TENM2: variants seen among roughly 807,000 people sequenced by gnomAD.
The protein encoded by TENM2 is teneurin transmembrane protein 2.
A neutral mutation model predicts 245.2 loss-of-function variants in TENM2; 52 were observed. The ratio of observed to expected loss-of-function variants is 0.21; its 90% confidence interval spans 0.17 to 0.27. The LOEUF is 0.27. TENM2 is among the 10% of genes least tolerant of loss of function. The pLI is 1.00. For missense variants in TENM2, 3,046 were observed against 3,666.8 expected (o/e 0.83, Z 4.37); for synonymous variants, 1,363 against 1,438.9 (o/e 0.95, Z 1.19).
intron 5 of TENM2, among the ~76,000 whole-genome samples, chr5:168,009,745 T>C (rs1489671742): frequency 6.6e-6 from 1 of 152,230 alleles, no homozygotes; most frequent in Non-Finnish European, 1.5e-5. Flanking sequence ...ATGTGGTAGA[T>C]AATTATGTCT....
chr5:167,787,206 C>G (rs1483370628), intron 2 of TENM2, among the ~76,000 whole-genome samples: 1 of 146,244 alleles, frequency 6.8e-6, no homozygotes, highest in Non-Finnish European at 1.5e-5. Context: ...AGGCCAAGGC[C>G]TGATCTCCAT....
At chr5:167,388,749 T>C (rs1363046941) in intron 2 of TENM2, among the ~76,000 whole-genome samples, 1 of 152,146 alleles carries the variant, frequency 6.6e-6, no homozygotes, top group Non-Finnish European at 1.5e-5. Context: ...CGCGATTTCA[T>C]TTTTGACCCA....
At chr5:167,298,527 CCA>C (rs1332471734) in intron 1 of TENM2, among the ~76,000 whole-genome samples, 4 of 152,156 alleles carry the variant, frequency 2.6e-5, no homozygotes, top group Non-Finnish European at 4.4e-5. Flanking sequence ...GGCGTAAACC[CCA>C]GGGGGCGGAG....
chr5:167,225,659 T>A, the TENM2 span, among the ~76,000 whole-genome samples: 1 of 152,104 alleles, frequency 6.6e-6, no homozygotes, highest in Non-Finnish European at 1.5e-5. Flanking sequence ...GGGTTTGGTA[T>A]CAGGGTAATG....
chr5:167,857,026 C>T (rs146593524), intron 2 of TENM2, among the ~76,000 whole-genome samples: 6 of 151,832 alleles, frequency 4.0e-5, no homozygotes, highest in East Asian at 1.9e-4. Flanking sequence ...GTGCAGATTC[C>T]GCAACCACCT....
chr5:167,039,722 T>C, the TENM2 span, among the ~76,000 whole-genome samples: 1 of 112,212 alleles, frequency 8.9e-6, no homozygotes, highest in Non-Finnish European at 1.8e-5. Context: ...GGTTTCACTT[T>C]AAAGATGTAT....
intron 26 of TENM2, among the ~76,000 whole-genome samples, chr5:168,246,033 C>G (rs902059195): frequency 1.3e-5 from 2 of 151,822 alleles, no homozygotes; most frequent in African/African-American, 4.8e-5. Context: ...AGGAGTTCGA[C>G]ACCAGCCTGG....
At chr5:168,054,400 A>G (rs1477688954) in intron 6 of TENM2, among the ~76,000 whole-genome samples, 1 of 152,228 alleles carries the variant, frequency 6.6e-6, no homozygotes, top group Non-Finnish European at 1.5e-5. Flanking sequence ...GAACCCTCAG[A>G]TGGTTGTCCT....
intron 2 of TENM2, among the ~76,000 whole-genome samples, chr5:167,522,350 C>G (rs1770816540): frequency 6.6e-6 from 1 of 151,990 alleles, no homozygotes; most frequent in African/African-American, 2.4e-5. Context: ...TTTCAATCAT[C>G]AAAGAAGTAA....
intron 2 of TENM2, among the ~76,000 whole-genome samples, chr5:167,754,578 T>C (rs1762165998): frequency 6.6e-6 from 1 of 151,874 alleles, no homozygotes; most frequent in African/African-American, 2.4e-5. Flanking sequence ...TAAGTGGAAA[T>C]GCCAGAGCAG....
At chr5:167,412,331 T>C (rs1762951824) in intron 2 of TENM2, among the ~76,000 whole-genome samples, 1 of 151,990 alleles carries the variant, frequency 6.6e-6, no homozygotes, top group South Asian at 2.1e-4. Context: ...GATATGGAAA[T>C]TCTTCGGCCC....
At chr5:168,160,997 C>T (rs1290427221) in intron 12 of TENM2, among the ~76,000 whole-genome samples, 1 of 152,178 alleles carries the variant, frequency 6.6e-6, no homozygotes, top group Non-Finnish European at 1.5e-5. Flanking sequence ...TGCCACTGCA[C>T]TCCAGCCTGA....
intron 3 of TENM2, among the ~76,000 whole-genome samples, chr5:167,929,847 G>T (rs1289740463): frequency 1.3e-5 from 2 of 152,186 alleles, no homozygotes; most frequent in African/African-American, 4.8e-5. Context: ...GGAAGAGTTA[G>T]GAAATTTTTC....
the TENM2 span, among the ~76,000 whole-genome samples, chr5:167,257,697 T>C: frequency 1.3e-5 from 2 of 152,004 alleles, no homozygotes; most frequent in African/African-American, 4.8e-5. Context: ...TGGTTCACAA[T>C]CAGTATAATT....
At chr5:167,334,431 G>T (rs1055206349) in intron 1 of TENM2, among the ~76,000 whole-genome samples, 4 of 152,144 alleles carry the variant, frequency 2.6e-5, no homozygotes, top group Admixed American at 6.5e-5. Flanking sequence ...ACACTTAATG[G>T]CATAAAATTA....
At chr5:167,884,080 T>C (rs961784232) in intron 3 of TENM2, among the ~76,000 whole-genome samples, 1 of 151,732 alleles carries the variant, frequency 6.6e-6, no homozygotes, top group Non-Finnish European at 1.5e-5. Flanking sequence ...CTCAGTATTT[T>C]TGTCTGTAAA....
At chr5:167,354,173 C>T (rs1232793338) in intron 1 of TENM2, among the ~76,000 whole-genome samples, 4 of 152,126 alleles carry the variant, frequency 2.6e-5, no homozygotes, top group East Asian at 1.9e-4. Flanking sequence ...GCAGATCTGG[C>T]GTGATGGGAG....
At chr5:167,709,813 G>A (rs1758785799) in intron 2 of TENM2, among the ~76,000 whole-genome samples, 4 of 152,192 alleles carry the variant, frequency 2.6e-5, no homozygotes, top group Admixed American at 2.6e-4. Flanking sequence ...GCGAGAGTGA[G>A]AGTGAGAGAG....
In TENM2 at chr5:168,198,985, C is replaced by T. The variant is rs147544549; in HGVS notation, c.3033C>T (p.Thr1011=). The T allele has an allele frequency of 2.2e-4, 348 of 1,613,968 alleles. 7 individuals are homozygous for T. The African/African-American group carries it at 2.4e-3, about 11-fold the overall frequency. ...CCATGGACACCCTGGTGATGAAGACCGAGGAGAACTCCATCCCCAGCTGTG... is the reference window on the plus strand; with the variant it reads ...CCATGGACACCCTGGTGATGAAGACTGAGGAGAACTCCATCCCCAGCTGTG... Residue 1011 remains threonine, a synonymous_variant, in exon 16 of 29, where the codon ACC becomes ACT. Transcript: ENST00000518659.
Sources: allele counts gnomAD v4.1 joint callset (sites outside exome capture counted in the v4.1 genomes callset), GRCh38; gene constraint gnomAD v4.1.1; transcripts MANE v1.5; gene names NCBI Gene and HGNC (gene_info 2026-07-23, HGNC 2026-07-21).